The following ZC3H12C variants were observed in gnomAD, a reference collection of about 807,000 sequenced individuals.
The protein encoded by ZC3H12C is zinc finger CCCH-type containing 12C.
ZC3H12C carries 20 observed loss-of-function variants against 76.3 expected under a neutral mutation model. The observed-to-expected ratio is 0.26, with a 90% CI of 0.18 to 0.38. The LOEUF (loss-of-function observed/expected upper bound fraction) is 0.38. Among genes scored for constraint, ZC3H12C ranks in the 10% least tolerant of loss-of-function variants. The pLI, the probability that ZC3H12C is intolerant of heterozygous loss-of-function variation, is 1.00. For synonymous variants in ZC3H12C, 352 were observed against 399.6 expected, an observed-to-expected ratio of 0.88 and a Z score of 1.42; for missense variants, 874 against 1,086.5, an observed-to-expected ratio of 0.80 and a Z score of 2.75.
rs1042464681 is a variant in ZC3H12C at position 110,150,417 on chromosome 11, A to G, written c.774-2502A>G. On this transcript the variant is annotated intron_variant, in intron 2 of 5. Coordinates refer to ENST00000278590, the MANE Select transcript of ZC3H12C (RefSeq NM_033390.2). ...TAAAGATCTGTATGGCTTTTATTAC[A>G]TTACAAATTGGATCTTTTAAATTAA... is the stretch of plus-strand genomic sequence containing the variant. Among the ~76,000 whole-genome samples the G allele has an allele frequency of 3.9e-5, 6 of 152,176 alleles. No individual in the cohort carries two copies. In the East Asian group the frequency reaches 9.6e-4, roughly 24 times the overall value.
chr11:110,166,431 TAATTTAATATGGTC>T lies in ZC3H12C; in HGVS notation c.*702_*715del, dbSNP rs1455441032. On this transcript the variant is annotated 3_prime_UTR_variant, in exon 6 of 6. Transcript: ENST00000278590. ...TTTTTTTTTCTGTTAAGAAATTAGT[TAATTTAATATGGTC>T]AATTTAAAAGAAAGCAGATGCAATC... is the stretch of plus-strand genomic sequence containing the variant. The T allele has an allele frequency of 6.6e-6, 1 of 152,188 alleles. No homozygotes were observed. Among genetic ancestry groups the T allele is most frequent in the Non-Finnish European group, 1.5e-5 (1 of 68,028 alleles). The allele number at this position is 152,188 out of a possible 1,614,324, so 9.4% of individuals were successfully genotyped here.
intron 1 of ZC3H12C, among the ~76,000 whole-genome samples, chr11:110,117,786 CATAT>C (rs1398265006): frequency 7.5e-6 from 1 of 132,590 alleles, no homozygotes; most frequent in African/African-American, 2.9e-5. Context: ...TACACACACA[CATAT>C]ATATATTATA....
In ZC3H12C at chr11:110,157,452, T is replaced by A. The variant is rs1427282154; in HGVS notation, c.914-1804T>A. ...GGTCTTTTTTTTTTTTTTTTTTTTTTAAGACAGAGTCTCGCTCTGTTGCCC... is the reference window on the plus strand; with the variant it reads ...GGTCTTTTTTTTTTTTTTTTTTTTTAAAGACAGAGTCTCGCTCTGTTGCCC... On this transcript the variant is annotated intron_variant, in intron 3 of 5. Coordinates refer to ENST00000278590, the MANE Select transcript of ZC3H12C (RefSeq NM_033390.2). Among the ~76,000 whole-genome samples, 4 of 147,654 alleles carry A rather than the reference T, an allele frequency of 2.7e-5. 1 individual carries two copies. In the East Asian group the frequency reaches 7.9e-4, roughly 29 times the overall value.
In ZC3H12C at chr11:110,170,955, A is replaced by G. The variant is rs976020702; in HGVS notation, c.*5218A>G. 3.3e-5 allele frequency: 5 copies of G among 152,198 alleles called. No homozygotes were observed. Among genetic ancestry groups the G allele is most frequent in the Non-Finnish European group, 7.4e-5 (5 of 68,026 alleles). The allele number at this position is 152,198 out of a possible 1,614,324, so 9.4% of individuals were successfully genotyped here. On this transcript the variant is annotated 3_prime_UTR_variant, in exon 6 of 6. Coordinates refer to ENST00000278590, the MANE Select transcript of ZC3H12C (RefSeq NM_033390.2). Reference sequence around the variant, plus strand: ...GTATTAGAAGTGGCTTTTCCCCCTAAGATCCTTAGTCTTTTAAAGACAATT... The same window carrying G: ...GTATTAGAAGTGGCTTTTCCCCCTAGGATCCTTAGTCTTTTAAAGACAATT...
At chr11:110,103,252 T>G (rs1201014602) in intron 1 of ZC3H12C, among the ~76,000 whole-genome samples, 2 of 152,248 alleles carry the variant, frequency 1.3e-5, no homozygotes, top group Non-Finnish European at 2.9e-5. Flanking sequence ...AAGAATATAA[T>G]TAACCTTATT....
intron 2 of ZC3H12C, among the ~76,000 whole-genome samples, chr11:110,140,741 A>G (rs963608781): frequency 1.3e-5 from 2 of 152,278 alleles, no homozygotes; most frequent in South Asian, 2.1e-4. Context: ...GAGTATTAAG[A>G]TAAATGTTTT....
At chr11:110,115,495 G>T (rs1195002256) in intron 1 of ZC3H12C, among the ~76,000 whole-genome samples, 1 of 151,982 alleles carries the variant, frequency 6.6e-6, no homozygotes, top group Non-Finnish European at 1.5e-5. Flanking sequence ...TAGAGATGGG[G>T]TTTTGACACA....
At chr11:110,123,025 G>A (rs1048753851) in intron 1 of ZC3H12C, among the ~76,000 whole-genome samples, 1 of 152,152 alleles carries the variant, frequency 6.6e-6, no homozygotes, top group African/African-American at 2.4e-5. Context: ...GCTCAGAACG[G>A]CACACAATTA....
At chr11:110,128,793 A>G (rs1861803775) in intron 1 of ZC3H12C, among the ~76,000 whole-genome samples, 1 of 150,420 alleles carries the variant, frequency 6.6e-6, no homozygotes, top group East Asian at 2.0e-4. Flanking sequence ...GAAGAATTAC[A>G]TTTATTAGCC....
intron 1 of ZC3H12C, among the ~76,000 whole-genome samples, chr11:110,118,389 G>C (rs560451281): frequency 3.9e-5 from 6 of 152,046 alleles, no homozygotes; most frequent in African/African-American, 1.4e-4. Context: ...TTGTGTATAA[G>C]AATAGGTGTT....
intron 2 of ZC3H12C, among the ~76,000 whole-genome samples, chr11:110,143,808 C>G (rs1312888061): frequency 6.6e-6 from 1 of 152,166 alleles, no homozygotes; most frequent in African/African-American, 2.4e-5. Context: ...CAGGCGTGAG[C>G]CACCGTGCCC....
intron 2 of ZC3H12C, among the ~76,000 whole-genome samples, chr11:110,138,899 A>G (rs1183341463): frequency 6.6e-6 from 1 of 152,172 alleles, no homozygotes; most frequent in African/African-American, 2.4e-5. Flanking sequence ...AATCTGGTGT[A>G]TATCTTATAG....
Position 110,153,091 on chromosome 11 carries a change from G to C in ZC3H12C, c.913+33G>C, listed in dbSNP as rs1445274248. On this transcript the variant is annotated intron_variant, in intron 3 of 5. Transcript: ENST00000278590. ...TATTCCAGGCGGCTGCTTGTACCTAGCTTTCCTATAATAACCATGCAGGTG... is the reference window on the plus strand; with the variant it reads ...TATTCCAGGCGGCTGCTTGTACCTACCTTTCCTATAATAACCATGCAGGTG... 6 of 1,598,676 alleles carry C rather than the reference G, an allele frequency of 3.8e-6. No homozygotes were observed. The Admixed American group carries it at 1.1e-4, about 28-fold the overall frequency.
intron 3 of ZC3H12C, among the ~76,000 whole-genome samples, chr11:110,155,490 A>G (rs1416949227): frequency 6.6e-6 from 1 of 152,120 alleles, no homozygotes; most frequent in Non-Finnish European, 1.5e-5. Flanking sequence ...AGTACAGACA[A>G]ATATTTGTGA....
chr11:110,141,926 A>T (rs1156779795), intron 2 of ZC3H12C, among the ~76,000 whole-genome samples: 1 of 152,192 alleles, frequency 6.6e-6, no homozygotes, highest in Non-Finnish European at 1.5e-5. Context: ...AAAACTATAT[A>T]TGTGACTCAC....
At chr11:110,128,185 C>A (rs1394319578) in intron 1 of ZC3H12C, among the ~76,000 whole-genome samples, 2 of 151,494 alleles carry the variant, frequency 1.3e-5, no homozygotes, top group African/African-American at 4.9e-5. Flanking sequence ...GTGACCCAAA[C>A]AGAGCCCAGT....
intron 1 of ZC3H12C, among the ~76,000 whole-genome samples, chr11:110,120,856 A>G (rs1335550486): frequency 6.6e-6 from 1 of 152,186 alleles, no homozygotes; most frequent in South Asian, 2.1e-4. Flanking sequence ...GCAAAACTCA[A>G]ATAATTTAAA....
At chr11:110,133,066 A>G (rs982095248) in intron 1 of ZC3H12C, among the ~76,000 whole-genome samples, 1 of 152,156 alleles carries the variant, frequency 6.6e-6, no homozygotes, top group Non-Finnish European at 1.5e-5. Flanking sequence ...ACTGCAGCCT[A>G]TTTAAATACC....
intron 2 of ZC3H12C, among the ~76,000 whole-genome samples, chr11:110,142,085 T>C (rs1862076441): frequency 6.6e-6 from 1 of 152,174 alleles, no homozygotes. Flanking sequence ...TCTCTTACTG[T>C]TTTTAAAGAA....
Sources: gnomAD v4.1 joint callset for allele counts (sites outside exome capture counted in the v4.1 genomes callset) on GRCh38, gnomAD v4.1.1 for gene constraint, MANE v1.5 for transcripts, NCBI Gene and HGNC (gene_info 2026-07-23, HGNC 2026-07-21) for gene names.